The following DLC1 variants were observed in gnomAD, a reference collection of about 807,000 sequenced individuals.
The protein encoded by DLC1 is rho GTPase-activating protein 7.
Under a neutral mutation model 140.3 loss-of-function variants are expected in DLC1, and 54 were observed. The observed-to-expected ratio is 0.38, with a 90% CI of 0.31 to 0.48. The LOEUF (loss-of-function observed/expected upper bound fraction) is 0.48. Ranked by LOEUF, DLC1 falls within the 20% of genes least tolerant of loss-of-function variation. The pLI is 0.96. For synonymous variants in DLC1, 986 were observed against 728.1 expected (o/e 1.35, Z -5.70); for missense variants, 2,536 against 1,907.0 (o/e 1.33, Z -6.14).
chr8:13,230,802 G>A (rs975029312), intron 5 of DLC1, among the ~76,000 whole-genome samples: 4 of 151,950 alleles, frequency 2.6e-5, no homozygotes, highest in South Asian at 2.1e-4. Context: ...TCACTATGTT[G>A]GCCAGGCTGG....
intron 5 of DLC1, among the ~76,000 whole-genome samples, chr8:13,199,758 TC>T (rs1367583816): frequency 2.0e-5 from 3 of 152,038 alleles, no homozygotes; most frequent in African/African-American, 7.2e-5. Flanking sequence ...AAAAACAGAG[TC>T]AATAAGTTTT....
intron 1 of DLC1, among the ~76,000 whole-genome samples, chr8:13,594,194 T>C (rs994130935): frequency 6.6e-6 from 1 of 152,002 alleles, no homozygotes; most frequent in Admixed American, 6.6e-5. Context: ...TTTTATATGA[T>C]AGTGATAAAA....
At chr8:13,415,600 C>A (rs893596847) in intron 2 of DLC1, among the ~76,000 whole-genome samples, 12 of 151,960 alleles carry the variant, frequency 7.9e-5, no homozygotes, top group African/African-American at 2.7e-4. Flanking sequence ...GGGGTTTCAC[C>A]GTATTAGCCA....
chr8:13,466,277 C>T (rs547874112), intron 2 of DLC1, among the ~76,000 whole-genome samples: 3 of 152,288 alleles, frequency 2.0e-5, no homozygotes, highest in Admixed American at 6.5e-5. Context: ...GTGTTCTGGA[C>T]GCAATACCCC....
intron 5 of DLC1, among the ~76,000 whole-genome samples, chr8:13,116,841 T>C (rs985615538): frequency 2.6e-5 from 4 of 152,222 alleles, no homozygotes; most frequent in African/African-American, 4.8e-5. Flanking sequence ...AAAACGATTA[T>C]GGCAGTAGCC....
chr8:13,507,531 C>A (rs1168732601), intron 1 of DLC1, among the ~76,000 whole-genome samples: 1 of 152,092 alleles, frequency 6.6e-6, no homozygotes, highest in Non-Finnish European at 1.5e-5. Flanking sequence ...CAAGAATTTA[C>A]CTCCATATGA....
intron 1 of DLC1, among the ~76,000 whole-genome samples, chr8:13,507,702 G>A (rs1056978208): frequency 6.6e-6 from 1 of 152,054 alleles, no homozygotes; most frequent in Admixed American, 6.5e-5. Context: ...AGTTTTATTG[G>A]CAAATTGCTT....
chr8:13,395,052 T>TC lies in DLC1; in HGVS notation c.1174-1360_1174-1359insG, dbSNP rs879793841. Among the ~76,000 whole-genome samples, 689 of 122,968 alleles carry TC rather than the reference T, an allele frequency of 5.6e-3. 2 individuals carry two copies. Among genetic ancestry groups the TC allele is most frequent in the Non-Finnish European group, 7.0e-3 (377 of 54,222 alleles). The allele number at this position is 122,968 out of a possible 152,430, so 80.7% of individuals were successfully genotyped here. A position where few individuals can be genotyped will look rare whatever the true frequency, so the allele number is the denominator to read the frequency against. ...TATCTATCATCTATCTATCTATCTA[T>TC]TAGGTACCTATCTACCATCTATAAA... On this transcript the variant is annotated intron_variant, in intron 3 of 17. Transcript: ENST00000276297.
chr8:13,291,122 T>G (rs1478154744), intron 5 of DLC1, among the ~76,000 whole-genome samples: 1 of 152,190 alleles, frequency 6.6e-6, no homozygotes, highest in Non-Finnish European at 1.5e-5. Context: ...TGGGCCAGGC[T>G]GGTCTTGAAC....
At chr8:13,574,560 G>A (rs1804771976) in intron 1 of DLC1, among the ~76,000 whole-genome samples, 1 of 151,984 alleles carries the variant, frequency 6.6e-6, no homozygotes, top group African/African-American at 2.4e-5. Flanking sequence ...CACTAAAAAT[G>A]TGTCTAGCCA....
At chr8:13,405,775 G>A (rs573048909) in intron 2 of DLC1, among the ~76,000 whole-genome samples, 11 of 151,860 alleles carry the variant, frequency 7.2e-5, no homozygotes, top group South Asian at 2.1e-4. Context: ...CTGTGAAGTC[G>A]TCTTGCCCTC....
At chr8:13,536,466 A>T (rs149418746) in intron 1 of DLC1, among the ~76,000 whole-genome samples, 1 of 152,226 alleles carries the variant, frequency 6.6e-6, no homozygotes, top group African/African-American at 2.4e-5. Flanking sequence ...AATGAAAGTC[A>T]TAAGAAACAA....
At chr8:13,448,371 T>TC (rs202194701) in intron 2 of DLC1, among the ~76,000 whole-genome samples, 19 of 144,974 alleles carry the variant, frequency 1.3e-4, no homozygotes, top group African/African-American at 4.0e-4. Context: ...TTCTTCTTCT[T>TC]TTTTTTTTTT....
intron 4 of DLC1, among the ~76,000 whole-genome samples, chr8:13,375,859 C>T (rs531713048): frequency 7.9e-5 from 12 of 152,166 alleles, no homozygotes; most frequent in African/African-American, 2.4e-4. Context: ...CAGAGTATTA[C>T]GCTTTTGTTA....
chr8:13,286,179 G>C (rs984112080), intron 5 of DLC1, among the ~76,000 whole-genome samples: 2 of 152,086 alleles, frequency 1.3e-5, no homozygotes, highest in Admixed American at 6.5e-5. Flanking sequence ...TTCAAAATCT[G>C]ATATCAGGAA....
In DLC1 at chr8:13,374,556, G is replaced by A. The variant is rs534232576; in HGVS notation, c.1314+18997C>T. Among the ~76,000 whole-genome samples the A allele has an allele frequency of 2.6e-4, 39 of 152,234 alleles. No homozygotes were observed. In the South Asian group the frequency reaches 6.0e-3, roughly 23 times the overall value. On this transcript the variant is annotated intron_variant, in intron 4 of 17. Transcript: ENST00000276297. Reference sequence around the variant, plus strand: ...TCCCAGCACTGTGGGAGGCCGAGGCGGGTGGATCATGAGGTCAGGAGTTTG... The same window carrying A: ...TCCCAGCACTGTGGGAGGCCGAGGCAGGTGGATCATGAGGTCAGGAGTTTG...
intron 1 of DLC1, among the ~76,000 whole-genome samples, chr8:13,548,899 A>C (rs1803751610): frequency 6.6e-6 from 1 of 152,080 alleles, no homozygotes; most frequent in Non-Finnish European, 1.5e-5. Flanking sequence ...CTCCAGAAAA[A>C]TGTTGGCATG....
intron 2 of DLC1, among the ~76,000 whole-genome samples, chr8:13,431,678 A>G (rs1278653454): frequency 5.3e-5 from 8 of 151,784 alleles, no homozygotes; most frequent in Admixed American, 5.3e-4. Context: ...AGAAAAAAGA[A>G]AAAAAAATCA....
intron 1 of DLC1, among the ~76,000 whole-genome samples, chr8:13,520,797 C>T (rs1802741730): frequency 1.3e-5 from 2 of 152,086 alleles, no homozygotes; most frequent in Non-Finnish European, 2.9e-5. Context: ...TGTGTGTGCC[C>T]TGCCCATAGA....
Sources: allele counts gnomAD v4.1 joint callset (sites outside exome capture counted in the v4.1 genomes callset), GRCh38; gene constraint gnomAD v4.1.1; transcripts MANE v1.5; gene names NCBI Gene and HGNC (gene_info 2026-07-23, HGNC 2026-07-21).